LRRC34: variants seen among roughly 807,000 people sequenced by gnomAD.
The protein encoded by LRRC34 is leucine rich repeat containing 34.
In LRRC34, 44 loss-of-function variants were observed where a neutral mutation model predicts 48.5. The observed-to-expected ratio is 0.91, with a 90% CI of 0.71 to 1.17. LRRC34 has a LOEUF of 1.17. Among genes scored for constraint, LRRC34 ranks in the 50% most tolerant of loss-of-function variants. The pLI is 0.00. For missense variants in LRRC34, 502 were observed against 563.0 expected, an observed-to-expected ratio of 0.89 and a Z score of 1.10; for synonymous variants, 192 against 197.6, an observed-to-expected ratio of 0.97 and a Z score of 0.24.
intron 1 of LRRC34, among the ~76,000 whole-genome samples, chr3:169,810,268 T>C (rs1253282247): frequency 6.6e-6 from 1 of 152,112 alleles, no homozygotes; most frequent in Non-Finnish European, 1.5e-5. Context: ...AAAAAATACA[T>C]GTTAATCTGC....
chr3:169,803,735 T>G (rs563951320), intron 6 of LRRC34, among the ~76,000 whole-genome samples: 1 of 152,342 alleles, frequency 6.6e-6, no homozygotes, highest in South Asian at 2.1e-4. Flanking sequence ...GCCTAAAATG[T>G]ATTTTCAAAA....
At chr3:169,809,612 G>A (rs906987433) in intron 1 of LRRC34, among the ~76,000 whole-genome samples, 6 of 152,192 alleles carry the variant, frequency 3.9e-5, no homozygotes, top group Admixed American at 3.9e-4. Context: ...TGGGGTGGAA[G>A]TTATGCTGTT....
At chr3:169,795,405 AG>A in intron 10 of LRRC34, 79 bp downstream of exon 10, 1 of 1,423,216 alleles carries the variant, frequency 7.0e-7, no homozygotes. Flanking sequence ...ACCATTTCTG[AG>A]GCACCTGTAA....
In LRRC34 at chr3:169,793,402, G is replaced by C. The variant is rs1778864519; in HGVS notation, c.*233C>G. ...AAAAGAAATTTAGTCTAGTTCCTTG[G>C]TCTCTTTCTCCAGGGTTAGAATTTT... On this transcript the variant is annotated 3_prime_UTR_variant, in exon 11 of 11. Coordinates refer to ENST00000446859, the MANE Select transcript of LRRC34 (RefSeq NM_001172779.2). 2.7e-6 allele frequency: 1 copy of C among 375,632 alleles called. No homozygotes were observed. Among genetic ancestry groups the C allele is most frequent in the South Asian group, 6.7e-5 (1 of 14,878 alleles). 23.3% of individuals were successfully genotyped at this position (375,632 alleles called of 1,614,324 possible).
chr3:169,795,341 T>C (rs1778948796), intron 10 of LRRC34, 144 bp downstream of exon 10: 3 of 750,656 alleles, frequency 4.0e-6, no homozygotes, highest in African/African-American at 3.5e-5. Flanking sequence ...AACTCTCTAG[T>C]AGTTAATTTT....
At position 169,804,082 on chromosome 3, in the gene LRRC34, C is replaced by T; in HGVS notation, c.628G>A (p.Glu210Lys). Residue 210 changes from glutamate to lysine, a missense_variant, in exon 6 of 11, where the codon GAG becomes AAG. By Grantham distance (56) the Glu-to-Lys change is moderately conservative. Coordinates refer to ENST00000446859, the MANE Select transcript of LRRC34 (RefSeq NM_001172779.2). ...AAMLQINSSLEKLDLGDCDLG... is the reference protein window; with the variant it reads ...AAMLQINSSLKKLDLGDCDLG... ...TCACAGTCACCCAGATCTAATTTCT[C>T]TAATGATGAATTAATTTGCAGCATT... 2 of 1,595,844 alleles carry T rather than the reference C, an allele frequency of 1.3e-6. No individual in the cohort carries two copies. Among genetic ancestry groups the T allele is most frequent in the Non-Finnish European group, 1.7e-6 (2 of 1,171,098 alleles).
chr3:169,797,474 A>T (rs1250573581), intron 7 of LRRC34, among the ~76,000 whole-genome samples: 2 of 152,120 alleles, frequency 1.3e-5, no homozygotes, highest in African/African-American at 4.8e-5. Context: ...ACTTTTTTTT[A>T]AGTTCCACAA....
intron 5 of LRRC34, among the ~76,000 whole-genome samples, chr3:169,805,675 G>A (rs1217318014): frequency 3.3e-5 from 5 of 151,886 alleles, no homozygotes; most frequent in East Asian, 1.9e-4. Context: ...ATCTGAGGTC[G>A]GGAGTTTGAG....
rs1420319882 is a variant in LRRC34 at position 169,804,167 on chromosome 3, CAG to C, written c.541_542del (p.Leu181GlufsTer11). On this transcript the variant is annotated frameshift_variant, in exon 6 of 11. Coordinates refer to ENST00000446859, the MANE Select transcript of LRRC34 (RefSeq NM_001172779.2). LOFTEE classifies it high-confidence loss of function. ...IAKVLHKNRT[L>X]KYLRMTGNKI... ...TGTTTCCAGTCATTCTTAGGTATTTCAGAGTCCGATTCTTCTGAAAAGGAAAA... is the reference window on the plus strand; with the variant it reads ...TGTTTCCAGTCATTCTTAGGTATTTCAGTCCGATTCTTCTGAAAAGGAAAA... 6 of 1,591,204 alleles carry C rather than the reference CAG, an allele frequency of 3.8e-6. No individual in the cohort carries two copies. Among genetic ancestry groups the C allele is most frequent in the African/African-American group, 1.4e-5 (1 of 74,014 alleles).
At chr3:169,799,642 G>C (rs1322639940) in intron 7 of LRRC34, among the ~76,000 whole-genome samples, 1 of 152,186 alleles carries the variant, frequency 6.6e-6, no homozygotes, top group Admixed American at 6.5e-5. Context: ...GGGTGACAGA[G>C]TGAGACCTCA....
chr3:169,793,758 T>C lies in LRRC34; in HGVS notation c.1272A>G (p.Val424=), dbSNP rs1171523526. ...GGCCATTGGAGACTTCTGCAAGATATACACGTCCATCTACCACAAATGGCT... is the reference window on the plus strand; with the variant it reads ...GGCCATTGGAGACTTCTGCAAGATACACACGTCCATCTACCACAAATGGCT... ...DVEPFVVDGR[V]YLAEVSNGLK... is the part of the protein sequence containing the mutation. The change falls in exon 11 of 11, where the codon GTA becomes GTG. Residue 424 remains valine (V), a synonymous_variant. Transcript: ENST00000446859. The C allele has an allele frequency of 3.7e-6, 6 of 1,613,706 alleles. No individual in the cohort carries two copies. The highest frequency in any genetic ancestry group is 1.7e-5 in the Admixed American group (1 of 59,998).
At chr3:169,802,828 T>C (rs977443590) in intron 6 of LRRC34, among the ~76,000 whole-genome samples, 3 of 151,230 alleles carry the variant, frequency 2.0e-5, no homozygotes, top group Admixed American at 1.3e-4. Flanking sequence ...CAAAAAAAAA[T>C]TAGCTGGGCG....
chr3:169,809,670 C>A (rs1779496348), intron 1 of LRRC34, among the ~76,000 whole-genome samples: 1 of 152,168 alleles, frequency 6.6e-6, no homozygotes, highest in Non-Finnish European at 1.5e-5. Flanking sequence ...TATACATCTA[C>A]CTTTTGTGGA....
Position 169,793,498 on chromosome 3 carries a change from A to C in LRRC34, c.*137T>G, listed in dbSNP as rs1778868282. 1 of 617,212 alleles carries C rather than the reference A, an allele frequency of 1.6e-6. No individual in the cohort carries two copies. The highest frequency in any genetic ancestry group is 1.9e-5 in the African/African-American group (1 of 53,726). The allele number at this position is 617,212 out of a possible 1,614,324, so 38.2% of individuals were successfully genotyped here. On this transcript the variant is annotated 3_prime_UTR_variant, in exon 11 of 11. Coordinates refer to ENST00000446859, the MANE Select transcript of LRRC34 (RefSeq NM_001172779.2). ...TTTTTCACAATAGACAGTTATACAA[A>C]GTTTAATACAGTCATTATCTTTTAC...
At chr3:169,800,466 A>G (rs1400006869) in intron 7 of LRRC34, among the ~76,000 whole-genome samples, 193 bp downstream of exon 7, 1 of 152,260 alleles carries the variant, frequency 6.6e-6, no homozygotes, top group Non-Finnish European at 1.5e-5. Flanking sequence ...ATCTAAAAGC[A>G]TATTTAGTTA....
Position 169,807,501 on chromosome 3 carries a change from G to C in LRRC34, c.380-11C>G. 1 of 1,613,522 alleles carries C rather than the reference G, an allele frequency of 6.2e-7. No individual in the cohort carries two copies. Among genetic ancestry groups the C allele is most frequent in the Non-Finnish European group, 8.5e-7 (1 of 1,179,582 alleles). ...ATCCAACATCCAAACCTGAAGCACA[G>C]ATGAATAGAAGTGGATATTCATTAT... On this transcript the variant is annotated splice_polypyrimidine_tract_variant and intron_variant, in intron 3 of 10. Transcript: ENST00000446859.
chr3:169,803,482 C>G (rs1779265577), intron 6 of LRRC34, among the ~76,000 whole-genome samples: 2 of 152,366 alleles, frequency 1.3e-5, no homozygotes, highest in South Asian at 4.1e-4. Flanking sequence ...CTCACTCTGT[C>G]GCCCAGGGGC....
In LRRC34 at chr3:169,808,804, C is replaced by A. The variant is rs928156597; in HGVS notation, c.140-59G>T. The A allele has an allele frequency of 9.2e-5, 87 of 941,428 alleles. 3 individuals are homozygous for A. Among genetic ancestry groups the A allele is most frequent in the South Asian group, 7.0e-4 (47 of 67,292 alleles). 58.3% of individuals were successfully genotyped at this position (941,428 alleles called of 1,614,324 possible). On this transcript the variant is annotated intron_variant, in intron 1 of 10. Coordinates refer to ENST00000446859, the MANE Select transcript of LRRC34 (RefSeq NM_001172779.2). ...ATTATTCTAGAAGCTTTAAAAAAAA[C>A]CATAAAAACTACCTCTTTCAAATAT...
rs1778866028 is a variant in LRRC34, at chr3:169,793,436, T to C, written c.*199A>G. 2.1e-6 allele frequency: 1 copy of C among 468,836 alleles called. No individual in the cohort carries two copies. The highest frequency in any genetic ancestry group is 3.7e-6 in the Non-Finnish European group (1 of 269,222). 29.0% of individuals were successfully genotyped at this position (468,836 alleles called of 1,614,324 possible). Reference sequence around the variant, plus strand: ...TCCAGGGTTAGAATTTTAGTCTCTATATTGTAAAATTTCTTTTAAAAAATT... The same window carrying C: ...TCCAGGGTTAGAATTTTAGTCTCTACATTGTAAAATTTCTTTTAAAAAATT... On this transcript the variant is annotated 3_prime_UTR_variant, in exon 11 of 11. Coordinates refer to ENST00000446859, the MANE Select transcript of LRRC34 (RefSeq NM_001172779.2).
Sources: gnomAD v4.1 joint callset for allele counts (sites outside exome capture counted in the v4.1 genomes callset) on GRCh38, gnomAD v4.1.1 for gene constraint, MANE v1.5 for transcripts, NCBI Gene and HGNC (gene_info 2026-07-23, HGNC 2026-07-21) for gene names.